CPT1C: variants seen among roughly 807,000 people sequenced by gnomAD.
CPT1C encodes carnitine palmitoyltransferase 1C.
Under a neutral mutation model 97.3 loss-of-function variants are expected in CPT1C, and 61 were observed. The observed-to-expected ratio is 0.63, with a 90% CI of 0.51 to 0.78. The LOEUF is 0.78. Among genes scored for constraint, CPT1C ranks in the 30% least tolerant of loss-of-function variants. CPT1C has a pLI of 0.00. For missense variants in CPT1C, 975 were observed against 1,065.5 expected (o/e 0.92, Z 1.18); for synonymous variants, 469 against 447.2 (o/e 1.05, Z -0.61).
chr19:49,701,470 C>T (rs2083053766), intron 6 of CPT1C, 27 bp from the exon 7 acceptor site: 7 of 1,593,426 alleles, frequency 4.4e-6, no homozygotes, highest in Non-Finnish European at 5.1e-6. Context: ...GGGCCGGGGG[C>T]GTGACCTGCC....
intron 3 of CPT1C, among the ~76,000 whole-genome samples, chr19:49,694,651 G>A (rs1007245647): frequency 2.6e-5 from 4 of 151,272 alleles, no homozygotes; most frequent in African/African-American, 2.4e-5. Context: ...AAAAAAGGGG[G>A]TGGGAGCCGG....
rs2083431981 is a variant in CPT1C at position 49,705,187 on chromosome 19, C to T, written c.880-27C>T. 3.7e-6 allele frequency: 6 copies of T among 1,613,882 alleles called. No individual in the cohort carries two copies. The East Asian group carries it at 6.7e-5, about 18-fold the overall frequency. ...TTTGGGCCACGTGGGTCCTGGAAGGCAGCTCACAGCCCACGGTTTCCTGCA... is the reference window on the plus strand; with the variant it reads ...TTTGGGCCACGTGGGTCCTGGAAGGTAGCTCACAGCCCACGGTTTCCTGCA... On this transcript the variant is annotated intron_variant, in intron 9 of 19. Coordinates refer to ENST00000598293, the MANE Select transcript of CPT1C (RefSeq NM_001199753.2).
In CPT1C at chr19:49,713,499, A is replaced by T. The variant is rs1021039766; in HGVS notation, c.2306A>T (p.Lys769Met). 1.9e-6 allele frequency: 3 copies of T among 1,614,078 alleles called. No individual in the cohort carries two copies. The highest frequency in any genetic ancestry group is 2.5e-6 in the Non-Finnish European group (3 of 1,180,058). ...CTGTTCCAGGCGGGACAGCATTTTA[A>T]GCGCCGGTTCAGAGGGTCAGGGAAG... The part of the protein sequence containing the change: ...ASLFQAGQHF[K>M]RRFRGSGKEN... Residue 769 changes from lysine (K) to methionine (M), a missense_variant, in exon 20 of 20, where the codon AAG becomes ATG. By Grantham distance (95) the Lys-to-Met change is moderately conservative. Around this residue, in one of 3 missense-constraint regions of CPT1C, gnomAD observed 344 missense variants for 395.7 expected, o/e 0.87. Transcript: ENST00000598293.
At position 49,704,805 on chromosome 19, in the gene CPT1C, G is replaced by A; in HGVS notation, c.771+18G>A. The A allele has an allele frequency of 1.2e-6, 2 of 1,610,360 alleles. No homozygotes were observed. The highest frequency in any genetic ancestry group is 4.5e-5 in the East Asian group (2 of 44,870). On this transcript the variant is annotated intron_variant, in intron 8 of 19. Transcript: ENST00000598293. ...ACATGATGGTGAGAAGGGGAGGGGT[G>A]AGGTTCATAGGCCCCAGGTCTAGGG...
At chr19:49,693,721 G>C (rs2082480250) in intron 3 of CPT1C, among the ~76,000 whole-genome samples, 1 of 151,698 alleles carries the variant, frequency 6.6e-6, no homozygotes, top group Non-Finnish European at 1.5e-5. Flanking sequence ...CCCAGGACTT[G>C]GACACCAGCC....
At chr19:49,696,456 CTTT>C (rs66983115) in intron 3 of CPT1C, 65 of 111,638 alleles carry the variant, frequency 5.8e-4, no homozygotes, top group East Asian at 7.5e-4. Context: ...CTTTTCTTTT[CTTT>C]TTTTTTTTTT....
chr19:49,697,367 T>G lies in CPT1C; in HGVS notation c.183T>G (p.Ser61Arg). Residue 61 changes from serine to arginine, a missense_variant, in exon 4 of 20, where the codon AGT becomes AGG. Around this residue, in one of 3 missense-constraint regions of CPT1C, gnomAD observed 596 missense variants for 603.1 expected, o/e 0.99. Coordinates refer to ENST00000598293, the MANE Select transcript of CPT1C (RefSeq NM_001199753.2). ...LTGVFPASPLSWLFLFSAIQL... is the reference protein window; with the variant it reads ...LTGVFPASPLRWLFLFSAIQL... ...GTGTGTTTCCTGCCAGCCCCCTCAGTTGGCTTTTCCTCTTCAGTGCCATCC... is the reference window on the plus strand; with the variant it reads ...GTGTGTTTCCTGCCAGCCCCCTCAGGTGGCTTTTCCTCTTCAGTGCCATCC... The G allele has an allele frequency of 6.2e-7, 1 of 1,614,124 alleles. No homozygotes were observed. Among genetic ancestry groups the G allele is most frequent in the Non-Finnish European group, 8.5e-7 (1 of 1,180,014 alleles).
In CPT1C at chr19:49,712,953, T is replaced by G. The variant is rs1468567998; in HGVS notation, c.2134-19T>G. 3.0e-5 allele frequency: 48 copies of G among 1,610,432 alleles called. No homozygotes were observed. The East Asian group carries it at 1.0e-3, about 35-fold the overall frequency. On this transcript the variant is annotated intron_variant, in intron 18 of 19. Transcript: ENST00000598293. ...GGGGACCGGAGCTATTTTCTTCCCT[T>G]CACTCTTTCCGTCTCCAGGCTGATG... is the stretch of plus-strand genomic sequence containing the variant.
At position 49,700,711 on chromosome 19, in the gene CPT1C, G is replaced by C. The variant is rs141969670; in HGVS notation, c.309G>C (p.Gly103=). The C allele has an allele frequency of 3.7e-6, 6 of 1,610,878 alleles. No individual in the cohort carries two copies. Among genetic ancestry groups the C allele is most frequent in the Non-Finnish European group, 5.1e-6 (6 of 1,180,008 alleles). Residue 103 remains glycine, a synonymous_variant, in exon 5 of 20, where the codon GGG becomes GGC. Transcript: ENST00000598293. The part of the protein sequence containing the change: ...DWGGQHHGLR[G]VLAAALFASC... ...GTGGACAACACCACGGGCTCCGGGG[G>C]GTCCTGGCAGCCGCGCTGTTTGCCT...
At chr19:49,707,181 G>A (rs190962702) in intron 12 of CPT1C, among the ~76,000 whole-genome samples, 5 of 152,134 alleles carry the variant, frequency 3.3e-5, no homozygotes, top group Non-Finnish European at 4.4e-5. Flanking sequence ...AGGCTGAGGC[G>A]GGAGAATCAC....
At chr19:49,704,105 C>T (rs2083366616) in intron 7 of CPT1C, among the ~76,000 whole-genome samples, 1 of 152,202 alleles carries the variant, frequency 6.6e-6, no homozygotes. Context: ...CCACAATTTT[C>T]ATGTATTTAC....
chr19:49,712,649 A>C, intron 17 of CPT1C, 87 bp from the exon 18 acceptor site: 4 of 1,004,646 alleles, frequency 4.0e-6, no homozygotes, highest in Non-Finnish European at 6.3e-6. Context: ...GGGTAAAAAA[A>C]AAGCCAGGGA....
intron 4 of CPT1C, among the ~76,000 whole-genome samples, chr19:49,699,086 G>A (rs2082841387): frequency 6.6e-6 from 1 of 151,898 alleles, no homozygotes; most frequent in Admixed American, 6.6e-5. Flanking sequence ...CTGGGCGACA[G>A]AGAGAGACTC....
Position 49,710,857 on chromosome 19 carries a change from G to A in CPT1C, c.1866G>A (p.Thr622=), listed in dbSNP as rs763249258. 9.5e-5 allele frequency: 153 copies of A among 1,610,414 alleles called. No individual in the cohort carries two copies. Among genetic ancestry groups the A allele is most frequent in the South Asian group, 1.1e-5 (1 of 90,942 alleles). ...FVRAMEDKEK[T]DPQCLALFRV... is the part of the protein sequence containing the mutation. ...GGGCCATGGAGGACAAAGAGAAGAC[G>A]GTGGGTGCAGCCCTCGCTTGAGGCT... The change falls in exon 16 of 20, where the codon ACG becomes ACA. Residue 622 remains threonine (T), a splice_region_variant and synonymous_variant. Coordinates refer to ENST00000598293, the MANE Select transcript of CPT1C (RefSeq NM_001199753.2).
At chr19:49,710,937 G>A (rs2083834352) in intron 16 of CPT1C, 80 bp downstream of exon 16, 15 of 1,466,488 alleles carry the variant, frequency 1.0e-5, no homozygotes, top group Non-Finnish European at 1.4e-5. Flanking sequence ...GGGACCTACT[G>A]AAGCCAGCCT....
At chr19:49,700,544 G>A (rs2082952410) in intron 4 of CPT1C, 140 bp from the exon 5 acceptor site, 1 of 851,760 alleles carries the variant, frequency 1.2e-6, no homozygotes, top group Admixed American at 2.2e-5. Context: ...GGGTGACAGA[G>A]CTCACACCTA....
intron 14 of CPT1C, among the ~76,000 whole-genome samples, chr19:49,709,386 C>T (rs567850562): frequency 6.6e-6 from 1 of 151,776 alleles, no homozygotes; most frequent in East Asian, 1.9e-4. Flanking sequence ...ACAACCCCAC[C>T]TCCAACCACA....
intron 7 of CPT1C, among the ~76,000 whole-genome samples, chr19:49,703,993 A>C (rs1025595195): frequency 1.3e-5 from 2 of 151,898 alleles, no homozygotes; most frequent in Non-Finnish European, 2.9e-5. Context: ...TTTTTTATGT[A>C]CAACAACAAC....
rs530184667 is a variant in CPT1C at position 49,705,361 on chromosome 19, T to C, written c.964+63T>C. The stretch of plus-strand genomic sequence containing the variant: ...CAATATAGTGGCTAAGAGCATGTTT[T>C]CTGGAGTCCGCCTGACTGAGCTGGG... On this transcript the variant is annotated intron_variant, in intron 10 of 19. Transcript: ENST00000598293. The C allele has an allele frequency of 1.4e-4, 190 of 1,374,174 alleles. 1 individual carries two copies. The South Asian group carries it at 2.5e-3, about 18-fold the overall frequency. 85.1% of individuals were successfully genotyped at this position (1,374,174 alleles called of 1,614,324 possible). A position where few individuals can be genotyped will look rare whatever the true frequency, so the allele number is the denominator to read the frequency against.
Sources: gnomAD v4.1 joint callset for allele counts (sites outside exome capture counted in the v4.1 genomes callset) on GRCh38, gnomAD v4.1.1 for gene constraint, gnomAD v4.1.1 regional missense constraint, MANE v1.5 for transcripts, NCBI Gene and HGNC (gene_info 2026-07-23, HGNC 2026-07-21) for gene names.